Variants in RAPGEF6 observed in about 807,000 individuals in gnomAD.
RAPGEF6 encodes PDZ domain containing guanine nucleotide exchange factor (GEF) 2.
A neutral mutation model predicts 171.4 loss-of-function variants in RAPGEF6; 56 were observed. The observed-to-expected ratio is 0.33, with a 90% CI of 0.26 to 0.41. The LOEUF (loss-of-function observed/expected upper bound fraction) is 0.41, where lower values mean the gene tolerates loss of function less well. Among genes scored for constraint, RAPGEF6 ranks in the 10% least tolerant of loss-of-function variants. RAPGEF6 has a pLI of 1.00. For missense variants in RAPGEF6, 1,674 were observed against 1,921.4 expected (o/e 0.87, Z 2.41); for synonymous variants, 692 against 650.1 (o/e 1.06, Z -0.98).
chr5:131,506,591 A>AT (rs1442101246), intron 9 of RAPGEF6, among the ~76,000 whole-genome samples: 4 of 151,956 alleles, frequency 2.6e-5, no homozygotes, highest in African/African-American at 4.8e-5. Context: ...GCAATAAGGT[A>AT]TTTTTTTTCA....
intron 24 of RAPGEF6, among the ~76,000 whole-genome samples, chr5:131,437,695 C>G (rs1237801980): frequency 6.6e-6 from 1 of 152,138 alleles, no homozygotes; most frequent in Non-Finnish European, 1.5e-5. Flanking sequence ...CTGTTTTTAT[C>G]TCCTGTTTCA....
chr5:131,526,881 T>C (rs1293628446), intron 6 of RAPGEF6, among the ~76,000 whole-genome samples: 1 of 152,148 alleles, frequency 6.6e-6, no homozygotes, highest in Non-Finnish European at 1.5e-5. Flanking sequence ...GTTTTTTAGC[T>C]AACAACTTGA....
chr5:131,435,195 C>T (rs887674287), intron 24 of RAPGEF6, among the ~76,000 whole-genome samples: 2 of 152,100 alleles, frequency 1.3e-5, no homozygotes, highest in African/African-American at 4.8e-5. Flanking sequence ...AGAAAAAGGC[C>T]TAGAAAATGT....
chr5:131,507,192 T>C (rs923534862), intron 9 of RAPGEF6, among the ~76,000 whole-genome samples: 1 of 130,246 alleles, frequency 7.7e-6, no homozygotes, highest in Non-Finnish European at 1.7e-5. Context: ...ATATATAGTA[T>C]GAAATTATGT....
rs1753460600 is a variant in RAPGEF6 at position 131,455,924 on chromosome 5, C to A, written c.2953G>T (p.Asp985Tyr). The change falls in exon 20 of 28, where the codon GAC becomes TAC. Residue 985 changes from aspartate to tyrosine, a missense_variant. Asp to Tyr is a radical substitution (Grantham distance 160). Around this residue, in one of 3 missense-constraint regions of RAPGEF6, gnomAD observed 1,116 missense variants for 1,321.5 expected, o/e 0.84. Transcript: ENST00000509018. ...KYEKHLQDLQ[D>Y]IFDPSRNMAK... is the part of the protein sequence containing the mutation. ...ATGTTTCTAGATGGATCAAAAATGTCTTGTAGATCTTGAAGATGTTTCTCG... is the reference window on the plus strand; with the variant it reads ...ATGTTTCTAGATGGATCAAAAATGTATTGTAGATCTTGAAGATGTTTCTCG... 1 of 1,613,880 alleles carries A rather than the reference C, an allele frequency of 6.2e-7. No homozygotes were observed. Among genetic ancestry groups the A allele is most frequent in the African/African-American group, 1.3e-5 (1 of 74,926 alleles).
intron 4 of RAPGEF6, among the ~76,000 whole-genome samples, chr5:131,566,837 G>A (rs370244579): frequency 5.2e-4 from 79 of 151,558 alleles, no homozygotes; most frequent in Middle Eastern, 3.4e-3. Context: ...GGCCGGGCGC[G>A]GTGGCTGACA....
chr5:131,514,543 G>A (rs1757950302), intron 7 of RAPGEF6, among the ~76,000 whole-genome samples: 1 of 152,202 alleles, frequency 6.6e-6, no homozygotes, highest in South Asian at 2.1e-4. Context: ...GATAATGATA[G>A]AGATAATGAA....
intron 15 of RAPGEF6, among the ~76,000 whole-genome samples, chr5:131,483,823 G>A (rs77652314): frequency 5.3e-5 from 8 of 151,980 alleles, no homozygotes; most frequent in Non-Finnish European, 5.9e-5. Flanking sequence ...TACAGAGGCC[G>A]GGCGTGGTGG....
At chr5:131,537,922 G>A (rs1317445403) in intron 6 of RAPGEF6, among the ~76,000 whole-genome samples, 5 of 76,994 alleles carry the variant, frequency 6.5e-5, no homozygotes, top group African/African-American at 1.2e-4. Flanking sequence ...ATGAAACTCC[G>A]TCTCTACAAA....
chr5:131,604,418 T>C (rs1243115737), intron 2 of RAPGEF6, among the ~76,000 whole-genome samples: 1 of 152,154 alleles, frequency 6.6e-6, no homozygotes, highest in African/African-American at 2.4e-5. Flanking sequence ...GAAAAACAAA[T>C]TCAGTTTTTA....
chr5:131,475,804 C>T (rs2149851639), intron 16 of RAPGEF6, among the ~76,000 whole-genome samples: 1 of 152,186 alleles, frequency 6.6e-6, no homozygotes, highest in East Asian at 1.9e-4. Context: ...ATTATCTATT[C>T]TTATCTCAAG....
In RAPGEF6 at chr5:131,496,342, AT is replaced by A. The variant is rs887080783; in HGVS notation, c.1420-683del. Among the ~76,000 whole-genome samples the A allele has an allele frequency of 6.6e-4, 101 of 152,194 alleles. 2 individuals are homozygous for A. In the South Asian group the frequency reaches 0.011, roughly 17 times the overall value. On this transcript the variant is annotated intron_variant, in intron 12 of 27. Coordinates refer to ENST00000509018, the MANE Select transcript of RAPGEF6 (RefSeq NM_016340.6). ...TGCCTAACAATGTAAGAAATGAGTCATTTTTTTTAAATCGTGGTAGAATCCA... is the reference window on the plus strand; with the variant it reads ...TGCCTAACAATGTAAGAAATGAGTCATTTTTTTAAATCGTGGTAGAATCCA...
At chr5:131,588,412 A>G (rs1763387743) in intron 4 of RAPGEF6, among the ~76,000 whole-genome samples, 1 of 152,230 alleles carries the variant, frequency 6.6e-6, no homozygotes, top group Non-Finnish European at 1.5e-5. Flanking sequence ...TGCTCCTGTT[A>G]GTATTGCCAT....
chr5:131,617,630 C>T (rs1765352881), intron 1 of RAPGEF6, among the ~76,000 whole-genome samples: 2 of 152,234 alleles, frequency 1.3e-5, no homozygotes, highest in Non-Finnish European at 2.9e-5. Flanking sequence ...CAGTGGCTCA[C>T]GCCTGTAATC....
chr5:131,564,343 G>C (rs189109070), intron 4 of RAPGEF6, among the ~76,000 whole-genome samples: 82 of 152,310 alleles, frequency 5.4e-4, no homozygotes, highest in Admixed American at 1.0e-3. Context: ...GTGGATATGT[G>C]AGAACAAAGA....
At chr5:131,511,641 T>G (rs1024699786) in intron 7 of RAPGEF6, among the ~76,000 whole-genome samples, 2 of 151,888 alleles carry the variant, frequency 1.3e-5, no homozygotes, top group Non-Finnish European at 2.9e-5. Flanking sequence ...GGAACACAGG[T>G]ATGCACCACC....
At chr5:131,590,056 T>C (rs2150000897) in intron 4 of RAPGEF6, among the ~76,000 whole-genome samples, 1 of 152,364 alleles carries the variant, frequency 6.6e-6, no homozygotes, top group South Asian at 2.1e-4. Context: ...TATTCTGCTT[T>C]ATCCTTCTTA....
At chr5:131,462,163 T>C in intron 18 of RAPGEF6, 75 bp from the exon 19 acceptor site, 2 of 1,162,132 alleles carry the variant, frequency 1.7e-6, no homozygotes. Flanking sequence ...TTTTTGTCGT[T>C]GTAAAATATC....
chr5:131,522,765 C>A (rs944053816), intron 6 of RAPGEF6, among the ~76,000 whole-genome samples: 5 of 152,150 alleles, frequency 3.3e-5, no homozygotes, highest in African/African-American at 1.2e-4. Flanking sequence ...GTACCTGTGA[C>A]AGCCACTGGC....
Sources: allele counts gnomAD v4.1 joint callset (sites outside exome capture counted in the v4.1 genomes callset), GRCh38; gene constraint gnomAD v4.1.1; regional missense constraint gnomAD v4.1.1; transcripts MANE v1.5; gene names NCBI Gene and HGNC (gene_info 2026-07-23, HGNC 2026-07-21).